SNX14: variants seen among roughly 807,000 people sequenced by gnomAD.
SNX14 encodes the protein sorting nexin-14.
SNX14 carries 93 observed loss-of-function variants against 133.8 expected under a neutral mutation model. The observed-to-expected ratio is 0.70, with a 90% CI of 0.59 to 0.83. The LOEUF is 0.83. Ranked by LOEUF, SNX14 falls within the 40% of genes least tolerant of loss-of-function variation. The pLI, the probability that SNX14 is intolerant of heterozygous loss-of-function variation, is 0.00. For missense variants in SNX14, 945 were observed against 1,094.9 expected, an observed-to-expected ratio of 0.86 and a Z score of 1.93; for synonymous variants, 368 against 365.6, an observed-to-expected ratio of 1.01 and a Z score of -0.07.
At chr6:85,516,634 T>TC (rs1344099752) in intron 23 of SNX14, among the ~76,000 whole-genome samples, 1 of 110,340 alleles carries the variant, frequency 9.1e-6, no homozygotes, top group Admixed American at 8.5e-5. Flanking sequence ...TCCTTAATCT[T>TC]TTTTTTTTTT....
At chr6:85,540,242 G>A (rs777367880) in intron 15 of SNX14, among the ~76,000 whole-genome samples, 11 of 152,180 alleles carry the variant, frequency 7.2e-5, no homozygotes, top group East Asian at 1.9e-4. Context: ...GATTACAGGC[G>A]TGAGCCATCA....
chr6:85,547,679 A>G, intron 9 of SNX14, 129 bp from the exon 10 acceptor site: 1 of 720,832 alleles, frequency 1.4e-6, no homozygotes, highest in Non-Finnish European at 2.1e-6. Flanking sequence ...GTAGCAAAAA[A>G]TCTGCACATA....
In SNX14 at chr6:85,593,810, T is replaced by G. The variant is rs563834418; in HGVS notation, c.-92A>C. The G allele has an allele frequency of 6.3e-7, 1 of 1,577,436 alleles. No homozygotes were observed. Among genetic ancestry groups the G allele is most frequent in the African/African-American group, 1.4e-5 (1 of 73,208 alleles). Reference sequence around the variant, plus strand: ...CACCTCGCGTCCCCGCCCCACCGACTTGGCGGCGCACACAGACGCCTACCG... The same window carrying G: ...CACCTCGCGTCCCCGCCCCACCGACGTGGCGGCGCACACAGACGCCTACCG... On this transcript the variant is annotated 5_prime_UTR_variant, in exon 1 of 29. Coordinates refer to ENST00000314673, the MANE Select transcript of SNX14 (RefSeq NM_153816.6).
chr6:85,593,462 C>A, intron 1 of SNX14, 117 bp downstream of exon 1: 1 of 1,417,026 alleles, frequency 7.1e-7, no homozygotes, highest in Non-Finnish European at 9.3e-7. Flanking sequence ...GGAGCTCGCT[C>A]TCCCCACTGG....
At chr6:85,559,815 A>G (rs1267622465) in intron 6 of SNX14, among the ~76,000 whole-genome samples, 1 of 152,224 alleles carries the variant, frequency 6.6e-6, no homozygotes. Context: ...AAAATAACCC[A>G]GTTAAAATGC....
intron 19 of SNX14, 131 bp from the exon 20 acceptor site, chr6:85,528,493 T>C: frequency 3.9e-6 from 2 of 515,274 alleles, no homozygotes; most frequent in Non-Finnish European, 6.2e-6. Flanking sequence ...ACATTACTCT[T>C]TGAAAATCTT....
intron 17 of SNX14, among the ~76,000 whole-genome samples, chr6:85,535,530 G>A (rs1324798882): frequency 2.7e-5 from 4 of 150,724 alleles, no homozygotes; most frequent in East Asian, 3.9e-4. Context: ...GCAGGAGCCC[G>A]GGAGGCGGAG....
intron 8 of SNX14, among the ~76,000 whole-genome samples, chr6:85,548,591 AG>A (rs1434310928): frequency 1.3e-5 from 2 of 152,196 alleles, no homozygotes; most frequent in African/African-American, 4.8e-5. Flanking sequence ...AAAGAGTTAG[AG>A]TTCTTACTTG....
intron 18 of SNX14, among the ~76,000 whole-genome samples, chr6:85,531,240 T>C (rs988393355): frequency 1.3e-5 from 2 of 152,206 alleles, no homozygotes; most frequent in African/African-American, 4.8e-5. Flanking sequence ...CCCACCCCCA[T>C]TTACCATGTG....
intron 1 of SNX14, among the ~76,000 whole-genome samples, chr6:85,584,944 G>GCACA (rs1201382853): frequency 6.6e-6 from 1 of 152,128 alleles, no homozygotes; most frequent in East Asian, 1.9e-4. Flanking sequence ...AAAGACACAT[G>GCACA]CACACGTTTG....
chr6:85,592,717 C>T (rs1409057232), intron 1 of SNX14, among the ~76,000 whole-genome samples: 2 of 151,378 alleles, frequency 1.3e-5, no homozygotes, highest in Non-Finnish European at 2.9e-5. Context: ...TGGCCGGGTG[C>T]GGTGGCTCAC....
At chr6:85,545,062 T>A (rs1423941506) in intron 12 of SNX14, among the ~76,000 whole-genome samples, 1 of 152,178 alleles carries the variant, frequency 6.6e-6, no homozygotes, top group African/African-American at 2.4e-5. Context: ...GAGAGGATGC[T>A]CTGAGGTACA....
chr6:85,555,282 T>C (rs1789305729), intron 7 of SNX14, among the ~76,000 whole-genome samples: 1 of 152,204 alleles, frequency 6.6e-6, no homozygotes, highest in African/African-American at 2.4e-5. Flanking sequence ...CACAAAAACC[T>C]ACAAATGCTT....
chr6:85,551,868 A>G (rs1787940288), intron 7 of SNX14, among the ~76,000 whole-genome samples: 1 of 152,196 alleles, frequency 6.6e-6, no homozygotes, highest in South Asian at 2.1e-4. Flanking sequence ...TATGTTAGCA[A>G]AGTTTTCTTT....
chr6:85,526,361 G>A, intron 20 of SNX14, 124 bp from the exon 21 acceptor site: 1 of 650,040 alleles, frequency 1.5e-6, no homozygotes, highest in Non-Finnish European at 2.6e-6. Flanking sequence ...TAATAACAAA[G>A]CAACTGCATT....
intron 1 of SNX14, among the ~76,000 whole-genome samples, chr6:85,577,024 G>A (rs1239782482): frequency 6.6e-6 from 1 of 152,140 alleles, no homozygotes; most frequent in Non-Finnish European, 1.5e-5. Flanking sequence ...GTCAGTGATG[G>A]CCTAAACTAG....
chr6:85,519,360 G>C (rs950397204), intron 21 of SNX14, among the ~76,000 whole-genome samples: 1 of 152,180 alleles, frequency 6.6e-6, no homozygotes, highest in African/African-American at 2.4e-5. Context: ...AGGCTAGTCA[G>C]GGTGGCTCCA....
intron 21 of SNX14, among the ~76,000 whole-genome samples, chr6:85,522,103 T>C (rs1316198144): frequency 6.6e-6 from 1 of 152,232 alleles, no homozygotes; most frequent in Non-Finnish European, 1.5e-5. Flanking sequence ...GGTTTCTATA[T>C]AGGACTTTAG....
chr6:85,544,376 C>A (rs1784828383), intron 12 of SNX14, among the ~76,000 whole-genome samples: 1 of 151,116 alleles, frequency 6.6e-6, no homozygotes, highest in African/African-American at 2.4e-5. Flanking sequence ...AGCTGGAATA[C>A]AGGATATAAG....
Sources: gnomAD v4.1 joint callset for allele counts (sites outside exome capture counted in the v4.1 genomes callset) on GRCh38, gnomAD v4.1.1 for gene constraint, MANE v1.5 for transcripts, NCBI Gene and HGNC (gene_info 2026-07-23, HGNC 2026-07-21) for gene names.